ZNF385D: variants seen among roughly 807,000 people sequenced by gnomAD.
ZNF385D encodes the protein zinc finger protein 385D.
Under a neutral mutation model 35.8 loss-of-function variants are expected in ZNF385D, and 15 were observed. The ratio of observed to expected loss-of-function variants is 0.42; its 90% CI spans 0.28 to 0.64. The LOEUF (loss-of-function observed/expected upper bound fraction) is 0.64. Among genes scored for constraint, ZNF385D ranks in the 30% least tolerant of loss-of-function variants. ZNF385D has a pLI of 0.23. For missense variants in ZNF385D, 474 were observed against 494.6 expected, an observed-to-expected ratio of 0.96 and a Z score of 0.39; for synonymous variants, 212 against 186.8, an observed-to-expected ratio of 1.13 and a Z score of -1.10.
chr3:21,622,849 A>G (rs1180182386), intron 2 of ZNF385D, among the ~76,000 whole-genome samples: 1 of 152,072 alleles, frequency 6.6e-6, no homozygotes, highest in Non-Finnish European at 1.5e-5. Flanking sequence ...CTGTTCTTTC[A>G]ACATGATTTA....
chr3:21,604,735 A>G (rs2064425001), intron 2 of ZNF385D, among the ~76,000 whole-genome samples: 1 of 152,162 alleles, frequency 6.6e-6, no homozygotes, highest in South Asian at 2.1e-4. Context: ...GTCTGAGTGA[A>G]CAGTGAGTAG....
At chr3:22,300,943 C>T (rs890750956) in intron 2 of ZNF385D, among the ~76,000 whole-genome samples, 2 of 151,924 alleles carry the variant, frequency 1.3e-5, no homozygotes, top group East Asian at 3.9e-4. Flanking sequence ...GGGTATATAT[C>T]CAAAGGAATT....
At chr3:22,127,592 G>C (rs907929003) in intron 3 of ZNF385D, among the ~76,000 whole-genome samples, 3 of 151,720 alleles carry the variant, frequency 2.0e-5, no homozygotes, top group African/African-American at 7.3e-5. Flanking sequence ...TGCCCACCTT[G>C]GCCTCCCAAA....
intron 2 of ZNF385D, among the ~76,000 whole-genome samples, chr3:22,307,733 A>G (rs1016980978): frequency 7.1e-6 from 1 of 140,982 alleles, no homozygotes; most frequent in African/African-American, 2.6e-5. Flanking sequence ...CCTAGAATTT[A>G]TTGCCTCTGT....
intron 5 of ZNF385D, among the ~76,000 whole-genome samples, chr3:21,428,194 T>C (rs1701108607): frequency 6.6e-6 from 1 of 152,154 alleles, no homozygotes. Flanking sequence ...AAATGTGCAT[T>C]AATAATATAA....
At chr3:21,857,813 A>G (rs1465651160) in intron 3 of ZNF385D, among the ~76,000 whole-genome samples, 1 of 151,852 alleles carries the variant, frequency 6.6e-6, no homozygotes, top group East Asian at 2.0e-4. Context: ...TTTTCAAGGC[A>G]TAGAGCCAAG....
intron 2 of ZNF385D, among the ~76,000 whole-genome samples, chr3:21,634,697 G>A (rs960000709): frequency 3.3e-5 from 5 of 151,892 alleles, no homozygotes; most frequent in African/African-American, 1.2e-4. Context: ...TTGCATGTCT[G>A]TTTTGTTATT....
At chr3:22,200,779 C>T (rs955898478) in intron 2 of ZNF385D, among the ~76,000 whole-genome samples, 5 of 152,100 alleles carry the variant, frequency 3.3e-5, no homozygotes, top group African/African-American at 1.2e-4. Context: ...CGCCTATTCT[C>T]TTTCCCAGGG....
chr3:21,467,318 A>T (rs961645802), intron 4 of ZNF385D, among the ~76,000 whole-genome samples: 1 of 152,154 alleles, frequency 6.6e-6, no homozygotes, highest in African/African-American at 2.4e-5. Context: ...GAGTTTAGAA[A>T]ATATTTTAGA....
intron 2 of ZNF385D, among the ~76,000 whole-genome samples, chr3:22,211,768 T>A (rs1697542070): frequency 6.6e-6 from 1 of 151,940 alleles, no homozygotes; most frequent in Admixed American, 6.6e-5. Context: ...GACTGTCATA[T>A]TTCTTGACTA....
At chr3:22,210,415 T>C (rs1697444923) in intron 2 of ZNF385D, among the ~76,000 whole-genome samples, 1 of 151,814 alleles carries the variant, frequency 6.6e-6, no homozygotes, top group Admixed American at 6.6e-5. Flanking sequence ...TAATTTTATT[T>C]AACACGAATC....
At chr3:22,329,604 CTCTT>C (rs1157328574) in intron 2 of ZNF385D, among the ~76,000 whole-genome samples, 1 of 152,112 alleles carries the variant, frequency 6.6e-6, no homozygotes, top group Admixed American at 6.5e-5. Context: ...TTACTAATGG[CTCTT>C]TAACTACCTC....
intron 1 of ZNF385D, among the ~76,000 whole-genome samples, chr3:21,694,942 C>T (rs1410913275): frequency 6.6e-6 from 1 of 152,152 alleles, no homozygotes; most frequent in South Asian, 2.1e-4. Context: ...AGGAAGCATG[C>T]ATCAGCTTGG....
chr3:21,478,434 T>A (rs1704388765), intron 4 of ZNF385D, among the ~76,000 whole-genome samples: 1 of 152,168 alleles, frequency 6.6e-6, no homozygotes, highest in South Asian at 2.1e-4. Flanking sequence ...CCTAACATTA[T>A]GTTCATTTTC....
At chr3:21,453,298 C>A (rs921077959) in intron 4 of ZNF385D, among the ~76,000 whole-genome samples, 3 of 151,846 alleles carry the variant, frequency 2.0e-5, no homozygotes, top group East Asian at 3.9e-4. Flanking sequence ...TATTTGTGAC[C>A]TTGTATTAGG....
intron 3 of ZNF385D, among the ~76,000 whole-genome samples, chr3:21,889,673 A>C (rs1426762495): frequency 6.6e-6 from 1 of 152,192 alleles, no homozygotes; most frequent in Non-Finnish European, 1.5e-5. Flanking sequence ...ACTTGGGTTT[A>C]GGGGAGAAGG....
At chr3:22,045,113 A>G (rs1307384342) in intron 3 of ZNF385D, among the ~76,000 whole-genome samples, 2 of 151,686 alleles carry the variant, frequency 1.3e-5, no homozygotes, top group African/African-American at 4.9e-5. Flanking sequence ...TTGCTTTTGG[A>G]AAAAAAGCCT....
At chr3:21,821,965 CAA>C (rs34222360) in intron 3 of ZNF385D, among the ~76,000 whole-genome samples, 1,186 of 108,420 alleles carry the variant, frequency 0.011, 13 homozygotes, top group African/African-American at 0.043. Flanking sequence ...GACCTTGTCT[CAA>C]AAAAAAAAAA....
intron 2 of ZNF385D, among the ~76,000 whole-genome samples, chr3:22,278,019 G>A (rs553858720): frequency 6.6e-6 from 1 of 151,884 alleles, no homozygotes; most frequent in South Asian, 2.1e-4. Flanking sequence ...TCTCCCTTGC[G>A]CTCCCCAACA....
Sources: gnomAD v4.1 joint callset for allele counts (sites outside exome capture counted in the v4.1 genomes callset) on GRCh38, gnomAD v4.1.1 for gene constraint, MANE v1.5 for transcripts, NCBI Gene and HGNC (gene_info 2026-07-23, HGNC 2026-07-21) for gene names.